Variants in PRKD3 observed in about 807,000 individuals in gnomAD.
PRKD3 encodes protein kinase D3, also known as serine/threonine-protein kinase D3.
Under a neutral mutation model 99.2 loss-of-function variants are expected in PRKD3, and 47 were observed. The ratio of observed to expected loss-of-function variants is 0.47; its 90% CI spans 0.38 to 0.60. PRKD3 has a LOEUF of 0.60. Among genes scored for constraint, PRKD3 ranks in the 20% least tolerant of loss-of-function variants. PRKD3 has a pLI of 0.00. For synonymous variants in PRKD3, 392 were observed against 355.4 expected (o/e 1.10, Z -1.16); for missense variants, 1,019 against 1,088.4 (o/e 0.94, Z 0.90).
chr2:37,276,493 C>T (rs1183988920), intron 9 of PRKD3, among the ~76,000 whole-genome samples: 1 of 152,008 alleles, frequency 6.6e-6, no homozygotes, highest in African/African-American at 2.4e-5. Flanking sequence ...TATTCTTTGT[C>T]CATTTTCCTA....
At position 37,263,122 on chromosome 2, in the gene PRKD3, G is replaced by A. The variant is rs1668592482; in HGVS notation, c.1885-2738C>T. Among the ~76,000 whole-genome samples the A allele has an allele frequency of 1.3e-5, 2 of 152,042 alleles. 1 individual carries two copies. The highest frequency in any genetic ancestry group is 4.1e-4 in the South Asian group (2 of 4,828). ...GTTCATTCTTCAACTCCTTGAGTTAGATTCTTAATTCACTTATTTTCATTC... is the reference window on the plus strand; with the variant it reads ...GTTCATTCTTCAACTCCTTGAGTTAAATTCTTAATTCACTTATTTTCATTC... On this transcript the variant is annotated intron_variant, in intron 14 of 18. Transcript: ENST00000234179.
At chr2:37,299,321 G>C (rs1670809620) in intron 2 of PRKD3, among the ~76,000 whole-genome samples, 1 of 152,042 alleles carries the variant, frequency 6.6e-6, no homozygotes, top group African/African-American at 2.4e-5. Context: ...AAGACTCCTT[G>C]AGTAAGACCT....
intron 2 of PRKD3, among the ~76,000 whole-genome samples, chr2:37,298,307 A>G (rs1300561138): frequency 6.6e-6 from 1 of 152,076 alleles, no homozygotes; most frequent in East Asian, 1.9e-4. Flanking sequence ...ACATGAATGT[A>G]TCTTTCCTTC....
At chr2:37,297,002 C>A (rs1299775649) in intron 2 of PRKD3, among the ~76,000 whole-genome samples, 2 of 151,424 alleles carry the variant, frequency 1.3e-5, no homozygotes, top group Non-Finnish European at 2.9e-5. Flanking sequence ...AAGAAATACA[C>A]CCCTCATTCA....
chr2:37,263,890 G>A (rs1355389412), intron 14 of PRKD3, among the ~76,000 whole-genome samples: 1 of 151,728 alleles, frequency 6.6e-6, no homozygotes, highest in Non-Finnish European at 1.5e-5. Flanking sequence ...ATAGCTTTGG[G>A]GTAGCTTCCA....
At chr2:37,277,332 T>C (rs1242527283) in intron 9 of PRKD3, among the ~76,000 whole-genome samples, 1 of 152,204 alleles carries the variant, frequency 6.6e-6, no homozygotes, top group African/African-American at 2.4e-5. Context: ...TATAGTTTTA[T>C]AGTAAGTTAC....
intron 5 of PRKD3, among the ~76,000 whole-genome samples, chr2:37,286,934 T>C (rs1670121938): frequency 6.6e-6 from 1 of 152,118 alleles, no homozygotes; most frequent in Non-Finnish European, 1.5e-5. Flanking sequence ...TAGTTGGTTT[T>C]CTGCCTGGTC....
rs143514162 is a variant in PRKD3 at position 37,290,858 on chromosome 2, G to C, written c.559+10C>G. 1 of 1,568,740 alleles carries C rather than the reference G, an allele frequency of 6.4e-7. No homozygotes were observed. Among genetic ancestry groups the C allele is most frequent in the African/African-American group, 1.4e-5 (1 of 72,650 alleles). ...ATTTCAAATGACCACAAAAATTTTA[G>C]AACACACACCTTCACATTTCAGTCC... On this transcript the variant is annotated intron_variant, in intron 4 of 18. Coordinates refer to ENST00000234179, the MANE Select transcript of PRKD3 (RefSeq NM_005813.6).
At position 37,269,634 on chromosome 2, in the gene PRKD3, C is replaced by A; in HGVS notation, c.1758G>T (p.Gln586His). Residue 586 changes from glutamine (Q) to histidine (H), a missense_variant, in exon 13 of 19, where the codon CAG becomes CAT. By Grantham distance (24) the Gln-to-His change is conservative. Transcript: ENST00000234179. Reference protein sequence around the residue: ...IFADEVLGSGQFGIVYGGKHR... With the variant: ...IFADEVLGSGHFGIVYGGKHR... ...GCTTACCTCCATAAACGATGCCAAA[C>A]TGGCCTGAACCAAGCACCTCATCTG... is the stretch of plus-strand genomic sequence containing the variant. 6.2e-7 allele frequency: 1 copy of A among 1,612,892 alleles called. No homozygotes were observed. The highest frequency in any genetic ancestry group is 8.5e-7 in the Non-Finnish European group (1 of 1,178,920).
At chr2:37,259,265 AT>A (rs1304116903) in intron 16 of PRKD3, among the ~76,000 whole-genome samples, 4 of 152,156 alleles carry the variant, frequency 2.6e-5, no homozygotes. Context: ...CATTTGTTTT[AT>A]TTATGAGGTA....
At chr2:37,288,267 A>G (rs928563875) in intron 5 of PRKD3, among the ~76,000 whole-genome samples, 2 of 152,094 alleles carry the variant, frequency 1.3e-5, no homozygotes, top group African/African-American at 4.8e-5. Flanking sequence ...ACTTTTTCCT[A>G]CTAATCTTTT....
chr2:37,296,407 A>G (rs1268431317), intron 2 of PRKD3, among the ~76,000 whole-genome samples: 2 of 152,204 alleles, frequency 1.3e-5, no homozygotes, highest in Non-Finnish European at 2.9e-5. Context: ...AGACATATGT[A>G]TATTAGAGGC....
intron 7 of PRKD3, among the ~76,000 whole-genome samples, chr2:37,281,708 C>T (rs568697129): frequency 1.3e-5 from 2 of 152,252 alleles, no homozygotes; most frequent in East Asian, 1.9e-4. Flanking sequence ...CACAAACAGA[C>T]TAAGACAACC....
chr2:37,286,125 A>T, intron 6 of PRKD3, 52 bp downstream of exon 6: 1 of 1,405,698 alleles, frequency 7.1e-7, no homozygotes, highest in Admixed American at 2.1e-5. Context: ...AAGCCTATAT[A>T]TAATAACAAA....
intron 17 of PRKD3, among the ~76,000 whole-genome samples, chr2:37,256,380 G>GT (rs1351781606): frequency 1.3e-5 from 2 of 152,170 alleles, no homozygotes; most frequent in Non-Finnish European, 2.9e-5. Flanking sequence ...CCAGAAAAGA[G>GT]TTTAACAGGT....
At chr2:37,262,489 A>G (rs1558530008) in intron 14 of PRKD3, among the ~76,000 whole-genome samples, 1 of 152,234 alleles carries the variant, frequency 6.6e-6, no homozygotes, top group Non-Finnish European at 1.5e-5. Flanking sequence ...CCATTTTATG[A>G]GATCGTTTTC....
chr2:37,276,503 A>G (rs1400000322), intron 9 of PRKD3, among the ~76,000 whole-genome samples: 3 of 151,858 alleles, frequency 2.0e-5, no homozygotes, highest in African/African-American at 7.3e-5. Flanking sequence ...CCATTTTCCT[A>G]TTGCGTTATG....
Position 37,273,469 on chromosome 2 carries a change from G to A in PRKD3, c.1651+952C>T, listed in dbSNP as rs955809203. Among the ~76,000 whole-genome samples the A allele has an allele frequency of 2.0e-5, 3 of 151,904 alleles. No individual in the cohort carries two copies. The East Asian group carries it at 5.8e-4, about 29-fold the overall frequency. ...TCTGCCTACTGTATTTCTACCTGAG[G>A]TTCAAATCAGGTTCTTCTATGAAGT... is the stretch of plus-strand genomic sequence containing the variant. On this transcript the variant is annotated intron_variant, in intron 11 of 18. Transcript: ENST00000234179.
chr2:37,314,678 A>T (rs556470887), intron 2 of PRKD3, among the ~76,000 whole-genome samples: 39 of 148,346 alleles, frequency 2.6e-4, no homozygotes, highest in African/African-American at 9.2e-4. Context: ...TTGAAAACTA[A>T]ATCATAGAGA....
Sources: gnomAD v4.1 joint callset for allele counts (sites outside exome capture counted in the v4.1 genomes callset) on GRCh38, gnomAD v4.1.1 for gene constraint, MANE v1.5 for transcripts, NCBI Gene and HGNC (gene_info 2026-07-23, HGNC 2026-07-21) for gene names.